Variants in CIAO2A observed in about 807,000 individuals in gnomAD.
CIAO2A encodes MIP18 family protein FAM96A.
In CIAO2A, 17 loss-of-function variants were observed where a neutral mutation model predicts 22.4. The ratio of observed to expected loss-of-function variants is 0.76; its 90% CI spans 0.52 to 1.14. CIAO2A has a LOEUF of 1.14. Among genes scored for constraint, CIAO2A ranks in the 50% most tolerant of loss-of-function variants. CIAO2A has a pLI of 0.00. For missense variants in CIAO2A, 192 were observed against 191.4 expected (o/e 1.00, Z -0.02); for synonymous variants, 74 against 72.3 (o/e 1.02, Z -0.12).
At chr15:64,084,022 T>C (rs1315486500) in intron 2 of CIAO2A, among the ~76,000 whole-genome samples, 2 of 152,122 alleles carry the variant, frequency 1.3e-5, no homozygotes, top group African/African-American at 4.8e-5. Context: ...ACGAAAGGGC[T>C]AAGACAAAAC....
intron 2 of CIAO2A, among the ~76,000 whole-genome samples, chr15:64,084,219 G>A (rs891629782): frequency 2.0e-5 from 3 of 151,878 alleles, no homozygotes; most frequent in Non-Finnish European, 2.9e-5. Context: ...TTAAGAGATT[G>A]CTGGTTTCAA....
At chr15:64,082,368 A>G (rs1195714885) in intron 2 of CIAO2A, among the ~76,000 whole-genome samples, 1 of 152,068 alleles carries the variant, frequency 6.6e-6, no homozygotes, top group South Asian at 2.1e-4. Flanking sequence ...AGCTGGGACT[A>G]CAGAAGCACG....
At chr15:64,090,995 C>T (rs2080835908) in intron 1 of CIAO2A, among the ~76,000 whole-genome samples, 2 of 151,896 alleles carry the variant, frequency 1.3e-5, no homozygotes, top group Non-Finnish European at 2.9e-5. Context: ...GAAAGGAGAA[C>T]AATAAAGAGA....
chr15:64,089,511 CAA>C (rs35882853), intron 1 of CIAO2A, among the ~76,000 whole-genome samples: 73 of 119,444 alleles, frequency 6.1e-4, no homozygotes, highest in African/African-American at 6.6e-4. Flanking sequence ...GACCCTGTCT[CAA>C]AAAAAAAAAA....
intron 3 of CIAO2A, among the ~76,000 whole-genome samples, chr15:64,079,484 C>T (rs2080744920): frequency 6.6e-6 from 1 of 152,188 alleles, no homozygotes; most frequent in African/African-American, 2.4e-5. Context: ...AGTGATCACA[C>T]CACTGCACTC....
At chr15:64,085,682 T>C (rs954746331) in intron 2 of CIAO2A, among the ~76,000 whole-genome samples, 1 of 152,052 alleles carries the variant, frequency 6.6e-6, no homozygotes, top group African/African-American at 2.4e-5. Context: ...GTACAGCCAA[T>C]AGACCTGGAA....
chr15:64,076,723 C>CTTT (rs556233822), intron 3 of CIAO2A, among the ~76,000 whole-genome samples: 49 of 115,160 alleles, frequency 4.3e-4, no homozygotes, highest in African/African-American at 1.4e-3. Context: ...CTAGTCCAAT[C>CTTT]TTTTTTTTTT....
At chr15:64,091,495 AAAAAG>A (rs1368210548) in intron 1 of CIAO2A, among the ~76,000 whole-genome samples, 7 of 152,078 alleles carry the variant, frequency 4.6e-5, no homozygotes, top group Non-Finnish European at 1.0e-4. Context: ...AAAAAAAAAA[AAAAAG>A]AAAGAAAGAA....
intron 1 of CIAO2A, among the ~76,000 whole-genome samples, chr15:64,089,450 G>C (rs2080822146): frequency 1.1e-4 from 1 of 9,212 alleles, no homozygotes; most frequent in Admixed American, 1.5e-3. Flanking sequence ...AGGAGGCAGA[G>C]GTTGAGAGCG....
At chr15:64,076,339 G>A (rs1299794367) in intron 3 of CIAO2A, among the ~76,000 whole-genome samples, 1 of 152,074 alleles carries the variant, frequency 6.6e-6, no homozygotes, top group Admixed American at 6.6e-5. Context: ...ACATATCAGG[G>A]TTGGAAGTTT....
intron 1 of CIAO2A, 42 bp from the exon 2 acceptor site, chr15:64,088,893 C>T: frequency 6.4e-7 from 1 of 1,558,600 alleles, no homozygotes. Flanking sequence ...TAAAACATGA[C>T]TATTCTAAAT....
chr15:64,081,065 T>TACAACA (rs368559610), intron 3 of CIAO2A, 37 bp downstream of exon 3: 1 of 1,595,714 alleles, frequency 6.3e-7, no homozygotes, highest in East Asian at 2.2e-5. Flanking sequence ...AAAGCTGTTT[T>TACAACA]ACAACAACAA....
intron 1 of CIAO2A, among the ~76,000 whole-genome samples, chr15:64,091,483 C>A (rs199829290): frequency 1.1e-4 from 13 of 121,446 alleles, no homozygotes; most frequent in African/African-American, 3.9e-4. Flanking sequence ...GACTCTGTCT[C>A]AAAAAAAAAA....
At chr15:64,087,559 C>A (rs891283727) in intron 2 of CIAO2A, among the ~76,000 whole-genome samples, 1 of 152,132 alleles carries the variant, frequency 6.6e-6, no homozygotes, top group Admixed American at 6.5e-5. Context: ...CACAATAATA[C>A]CTATGGATTC....
chr15:64,082,578 A>C (rs2080765740), intron 2 of CIAO2A, among the ~76,000 whole-genome samples: 1 of 152,128 alleles, frequency 6.6e-6, no homozygotes, highest in Admixed American at 6.5e-5. Context: ...GAGAATTCTA[A>C]AGAAAATATA....
In CIAO2A at chr15:64,078,387, C is replaced by A. The variant is rs576052691; in HGVS notation, c.339+2715G>T. Among the ~76,000 whole-genome samples, 264 of 152,250 alleles carry A rather than the reference C, an allele frequency of 1.7e-3. 2 individuals are homozygous for A. Among genetic ancestry groups the A allele is most frequent in the Non-Finnish European group, 2.4e-3 (161 of 68,014 alleles). On this transcript the variant is annotated intron_variant, in intron 3 of 4. Transcript: ENST00000300030. ...TGGTGGCTCATGCCTGTGATCCCAGCACTTTGGGAGGCTAAGGCGGGTGTA... is the reference window on the plus strand; with the variant it reads ...TGGTGGCTCATGCCTGTGATCCCAGAACTTTGGGAGGCTAAGGCGGGTGTA...
intron 1 of CIAO2A, among the ~76,000 whole-genome samples, chr15:64,091,496 A>AAAG (rs1174248676): frequency 2.0e-5 from 3 of 151,854 alleles, no homozygotes; most frequent in South Asian, 2.1e-4. Flanking sequence ...AAAAAAAAAA[A>AAAG]AAAGAAAGAA....
At position 64,093,629 on chromosome 15, in the gene CIAO2A, G is replaced by A; in HGVS notation, c.124+16C>T. 2 of 1,608,354 alleles carry A rather than the reference G, an allele frequency of 1.2e-6. No homozygotes were observed. Among genetic ancestry groups the A allele is most frequent in the Non-Finnish European group, 1.7e-6 (2 of 1,176,332 alleles). ...CACCTATAACGCCAAATGCTGTGCT[G>A]GGTAAAATTAATTACCATAAACTTC... On this transcript the variant is annotated intron_variant, in intron 1 of 4. Coordinates refer to ENST00000300030, the MANE Select transcript of CIAO2A (RefSeq NM_032231.7).
chr15:64,077,827 A>T (rs2080730468), intron 3 of CIAO2A, among the ~76,000 whole-genome samples: 1 of 152,220 alleles, frequency 6.6e-6, no homozygotes, highest in Admixed American at 6.5e-5. Context: ...GATGTTACCC[A>T]TTGGAATACG....
Sources: gnomAD v4.1 joint callset for allele counts (sites outside exome capture counted in the v4.1 genomes callset) on GRCh38, gnomAD v4.1.1 for gene constraint, MANE v1.5 for transcripts, NCBI Gene and HGNC (gene_info 2026-07-23, HGNC 2026-07-21) for gene names.